Variants in ADAM10 observed in about 807,000 individuals in gnomAD.
ADAM10 encodes the protein ADAM metallopeptidase domain 10.
In ADAM10, 17 loss-of-function variants were observed where a neutral mutation model predicts 90.1. That is an observed-to-expected ratio of 0.19 (90% CI 0.13 to 0.28). The LOEUF is 0.28. ADAM10 is among the 10% of genes least tolerant of loss of function. The pLI is 1.00. For synonymous variants in ADAM10, 310 were observed against 298.6 expected (o/e 1.04, Z -0.40); for missense variants, 610 against 914.3 (o/e 0.67, Z 4.29).
rs1301634909 is a variant in ADAM10, at chr15:58,739,439, C to G, written c.55+10041G>C. On this transcript the variant is annotated intron_variant, in intron 1 of 15. Transcript: ENST00000260408. Reference sequence around the variant, plus strand: ...GGCTGAGGCAGAAGAACGGCATGAACCTGGGAGGCGGAGCTGGCAGTGAGC... The same window carrying G: ...GGCTGAGGCAGAAGAACGGCATGAAGCTGGGAGGCGGAGCTGGCAGTGAGC... Among the ~76,000 whole-genome samples the G allele has an allele frequency of 2.0e-5, 3 of 151,798 alleles. No individual in the cohort carries two copies. The East Asian group carries it at 5.8e-4, about 29-fold the overall frequency.
intron 5 of ADAM10, among the ~76,000 whole-genome samples, chr15:58,661,954 T>C (rs1476585364): frequency 2.0e-5 from 3 of 152,202 alleles, no homozygotes; most frequent in African/African-American, 7.2e-5. Flanking sequence ...TCTCTCCTTT[T>C]TGTGTTCATG....
intron 1 of ADAM10, among the ~76,000 whole-genome samples, chr15:58,719,011 C>G (rs554640937): frequency 6.6e-6 from 1 of 152,314 alleles, no homozygotes; most frequent in East Asian, 1.9e-4. Context: ...CCTTCACTAC[C>G]TGATGACCAA....
In ADAM10 at chr15:58,594,870, T is replaced by C. The variant is rs1303838444; in HGVS notation, c.*2677A>G. 1 of 152,200 alleles carries C rather than the reference T, an allele frequency of 6.6e-6. No individual in the cohort carries two copies. The highest frequency in any genetic ancestry group is 1.5e-5 in the Non-Finnish European group (1 of 68,014). The allele number at this position is 152,200 out of a possible 1,614,324, so 9.4% of individuals were successfully genotyped here. On this transcript the variant is annotated 3_prime_UTR_variant, in exon 16 of 16. Coordinates refer to ENST00000260408, the MANE Select transcript of ADAM10 (RefSeq NM_001110.4). ...TCACAAAGTATTACATATTTACTCA[T>C]TTAACAAGTATTACTTATAGCTAAC...
chr15:58,633,102 T>C, intron 9 of ADAM10, 94 bp downstream of exon 9: 1 of 1,215,386 alleles, frequency 8.2e-7, no homozygotes, highest in East Asian at 2.5e-5. Flanking sequence ...CACTCGTAAG[T>C]ACATTTGTTT....
In ADAM10 at chr15:58,658,053, T is replaced by C. The variant is rs139880555; in HGVS notation, c.585+7044A>G. On this transcript the variant is annotated intron_variant, in intron 5 of 15. Coordinates refer to ENST00000260408, the MANE Select transcript of ADAM10 (RefSeq NM_001110.4). ...TTTTCAATTTGATGAAGTCAGTTTA[T>C]ACATGTTTTTCATAGGGAATTTTTG... 6.1e-3 allele frequency among the ~76,000 whole-genome samples: 936 copies of C among 152,288 alleles called. 4 individuals are homozygous for C. Among genetic ancestry groups the C allele is most frequent in the African/African-American group, 0.021 (874 of 41,566 alleles).
At position 58,640,801 on chromosome 15, in the gene ADAM10, G is replaced by T; in HGVS notation, c.988C>A (p.Leu330Met). 6.2e-7 allele frequency: 1 copy of T among 1,614,012 alleles called. No individual in the cohort carries two copies. Among genetic ancestry groups the T allele is most frequent in the South Asian group, 1.1e-5 (1 of 91,046 alleles). ...CCTGAAGGTGCTCCAACCCAAGCCA[G>T]ACCAAGTACGCCATCATCAAAATCT... ...DRDFDDGVLG[L>M]AWVGAPSGSS... The change falls in exon 8 of 16, where the codon CTG becomes ATG. Residue 330 changes from leucine (L) to methionine (M), a missense_variant. This residue lies in a region of ADAM10 where 97 missense variants were observed against 221.4 expected (regional missense o/e 0.44). Transcript: ENST00000260408.
At chr15:58,607,999 C>T (rs142745905) in intron 14 of ADAM10, among the ~76,000 whole-genome samples, 44 of 152,332 alleles carry the variant, frequency 2.9e-4, no homozygotes, top group African/African-American at 1.1e-3. Flanking sequence ...AACTAGATGA[C>T]TCTTTGATAA....
chr15:58,725,585 T>C (rs1236701293), intron 1 of ADAM10, among the ~76,000 whole-genome samples: 1 of 149,592 alleles, frequency 6.7e-6, no homozygotes, highest in African/African-American at 2.5e-5. Context: ...AAAAACCACA[T>C]AAAGGCATGT....
chr15:58,595,708 T>G lies in ADAM10; in HGVS notation c.*1839A>C, dbSNP rs1279491178. The G allele has an allele frequency of 3.3e-5, 5 of 152,098 alleles. No individual in the cohort carries two copies. Among genetic ancestry groups the G allele is most frequent in the African/African-American group, 1.2e-4 (5 of 41,434 alleles). The allele number at this position is 152,098 out of a possible 1,614,324, so 9.4% of individuals were successfully genotyped here. On this transcript the variant is annotated 3_prime_UTR_variant, in exon 16 of 16. Transcript: ENST00000260408. ...GCCAAAATCCTACCACAGGATAACA[T>G]TACAAGCAAAAAATTTACATGTTCC...
At chr15:58,700,211 T>C (rs1210310534) in intron 2 of ADAM10, among the ~76,000 whole-genome samples, 5 of 152,160 alleles carry the variant, frequency 3.3e-5, no homozygotes, top group South Asian at 2.1e-4. Context: ...CAAAGAATCA[T>C]TGGATTTAAA....
intron 2 of ADAM10, among the ~76,000 whole-genome samples, chr15:58,709,497 G>C (rs1277025556): frequency 1.3e-5 from 2 of 151,958 alleles, no homozygotes; most frequent in African/African-American, 4.8e-5. Flanking sequence ...CCAGAACTTT[G>C]GGAGGCCAAG....
chr15:58,738,289 C>G (rs188440523), intron 1 of ADAM10, among the ~76,000 whole-genome samples: 1 of 152,186 alleles, frequency 6.6e-6, no homozygotes, highest in Non-Finnish European at 1.5e-5. Flanking sequence ...TACATATTCA[C>G]TCAGATCTTC....
At chr15:58,718,573 G>A (rs1467512932) in intron 1 of ADAM10, among the ~76,000 whole-genome samples, 6 of 152,210 alleles carry the variant, frequency 3.9e-5, no homozygotes, top group Admixed American at 3.9e-4. Flanking sequence ...TCCCACTACT[G>A]AGGCAAGACC....
chr15:58,717,627 T>G lies in ADAM10; in HGVS notation c.156A>C (p.Ala52=). 1 of 1,614,016 alleles carries G rather than the reference T, an allele frequency of 6.2e-7. No individual in the cohort carries two copies. Among genetic ancestry groups the G allele is most frequent in the Non-Finnish European group, 8.5e-7 (1 of 1,179,968 alleles). The change falls in exon 2 of 16, where the codon GCA becomes GCC. Residue 52 remains alanine, a synonymous_variant. Transcript: ENST00000260408. The part of the protein sequence containing the change: ...LHQKHQRAKR[A]VSHEDQFLRL... ...GTAAAAATTGGTCTTCATGTGAGAC[T>G]GCTCTTTTGGCACGCTGGTGTTTTT...
At chr15:58,627,258 G>C (rs1895974720) in intron 10 of ADAM10, among the ~76,000 whole-genome samples, 4 of 152,078 alleles carry the variant, frequency 2.6e-5, no homozygotes, top group Admixed American at 2.0e-4. Flanking sequence ...TGCCTCTGAG[G>C]GTGTGTTGGG....
At chr15:58,696,535 G>T (rs1458231270) in intron 2 of ADAM10, among the ~76,000 whole-genome samples, 1 of 148,416 alleles carries the variant, frequency 6.7e-6, no homozygotes, top group Non-Finnish European at 1.5e-5. Context: ...CAGCGATCTC[G>T]GCTCACCGCA....
chr15:58,604,829 C>T (rs1222770033), intron 14 of ADAM10, among the ~76,000 whole-genome samples: 1 of 152,124 alleles, frequency 6.6e-6, no homozygotes, highest in African/African-American at 2.4e-5. Flanking sequence ...CTCACTGCAG[C>T]CTTGCCCTCC....
intron 2 of ADAM10, among the ~76,000 whole-genome samples, chr15:58,709,209 A>C (rs1405148330): frequency 2.0e-5 from 3 of 152,188 alleles, no homozygotes; most frequent in Non-Finnish European, 2.9e-5. Context: ...ACGCCACAAC[A>C]ACCTTATAAG....
rs181690096 is a variant in ADAM10, at chr15:58,710,160, T to G, written c.206+7417A>C. On this transcript the variant is annotated intron_variant, in intron 2 of 15. Transcript: ENST00000260408. ...TGGGTGTGGTGGTGCACGCCTATAGTCCCAGCTACTCGGGAGGCTGAGGCT... is the reference window on the plus strand; with the variant it reads ...TGGGTGTGGTGGTGCACGCCTATAGGCCCAGCTACTCGGGAGGCTGAGGCT... Among the ~76,000 whole-genome samples the G allele has an allele frequency of 3.1e-4, 47 of 152,288 alleles. 2 individuals carry two copies. The highest frequency in any genetic ancestry group is 9.6e-4 in the African/African-American group (40 of 41,572).
Sources: allele counts gnomAD v4.1 joint callset (sites outside exome capture counted in the v4.1 genomes callset), GRCh38; gene constraint gnomAD v4.1.1; regional missense constraint gnomAD v4.1.1; transcripts MANE v1.5; gene names NCBI Gene and HGNC (gene_info 2026-07-23, HGNC 2026-07-21).